The following DIAPH3 variants were observed in gnomAD, a reference collection of about 807,000 sequenced individuals.
The protein encoded by DIAPH3 is diaphanous related formin 3, also known as protein diaphanous homolog 3.
DIAPH3 carries 117 observed loss-of-function variants against 144.3 expected under a neutral mutation model. The observed-to-expected ratio is 0.81, with a 90% CI of 0.70 to 0.95. DIAPH3 has a LOEUF of 0.95. Among genes scored for constraint, DIAPH3 ranks in the 40% least tolerant of loss-of-function variants. The probability of loss-of-function intolerance (pLI) is 0.00; values close to 1 mark genes in which losing one functional copy is unlikely to be tolerated. For missense variants in DIAPH3, 1,421 were observed against 1,412.7 expected (o/e 1.01, Z -0.09); for synonymous variants, 519 against 488.9 (o/e 1.06, Z -0.81).
chr13:59,923,254 A>G (rs558189741), intron 18 of DIAPH3, among the ~76,000 whole-genome samples: 2 of 152,280 alleles, frequency 1.3e-5, no homozygotes, highest in Non-Finnish European at 2.9e-5. Context: ...AAGACTATTT[A>G]GAATCAACAC....
intron 25 of DIAPH3, among the ~76,000 whole-genome samples, chr13:59,788,075 C>T (rs2039127379): frequency 6.6e-6 from 1 of 152,114 alleles, no homozygotes; most frequent in Admixed American, 6.6e-5. Context: ...ACTGAATGGA[C>T]TAAGACACCA....
chr13:59,979,214 A>C (rs560312600), intron 14 of DIAPH3, among the ~76,000 whole-genome samples: 9 of 151,774 alleles, frequency 5.9e-5, no homozygotes, highest in African/African-American at 2.2e-4. Flanking sequence ...CAATTTGTTT[A>C]AAAATCTGTT....
intron 1 of DIAPH3, among the ~76,000 whole-genome samples, chr13:60,144,348 A>G (rs1198718484): frequency 6.6e-6 from 1 of 152,206 alleles, no homozygotes; most frequent in Non-Finnish European, 1.5e-5. Flanking sequence ...TAGGCAAACT[A>G]TTTTAGACTC....
rs201162217 is a variant in DIAPH3, at chr13:59,774,241, C to A, written c.3267G>T (p.Arg1089=). ...RKRTPMPKDV[R]QSLSPMSQRP... ...TCTGAGACATTGGACTGAGACTCTGCCGAACATCTGTTAAAAAAAAAAATA... is the reference window on the plus strand; with the variant it reads ...TCTGAGACATTGGACTGAGACTCTGACGAACATCTGTTAAAAAAAAAAATA... Residue 1089 remains arginine, a synonymous_variant, in exon 27 of 28, where the codon CGG becomes CGT. Coordinates refer to ENST00000400324, the MANE Select transcript of DIAPH3 (RefSeq NM_001042517.2). The A allele has an allele frequency of 2.5e-6, 4 of 1,611,926 alleles. No homozygotes were observed. The East Asian group carries it at 6.7e-5, about 27-fold the overall frequency.
chr13:59,896,801 C>CT (rs1001353954), intron 20 of DIAPH3, among the ~76,000 whole-genome samples: 4 of 152,112 alleles, frequency 2.6e-5, no homozygotes, highest in African/African-American at 9.7e-5. Flanking sequence ...ATTCTAATTA[C>CT]TTTTTTAGTA....
intron 9 of DIAPH3, among the ~76,000 whole-genome samples, chr13:60,005,443 C>G (rs1440970854): frequency 6.6e-6 from 1 of 152,106 alleles, no homozygotes; most frequent in African/African-American, 2.4e-5. Context: ...GTAAAGATTC[C>G]ACAAAGCTGT....
At chr13:60,003,337 T>G (rs1417137223) in intron 9 of DIAPH3, among the ~76,000 whole-genome samples, 1 of 152,160 alleles carries the variant, frequency 6.6e-6, no homozygotes, top group Non-Finnish European at 1.5e-5. Flanking sequence ...CTGTTCAATT[T>G]GTTTCATAGC....
intron 24 of DIAPH3, among the ~76,000 whole-genome samples, chr13:59,823,895 G>T (rs2041220981): frequency 2.0e-5 from 3 of 152,146 alleles, no homozygotes; most frequent in African/African-American, 7.2e-5. Flanking sequence ...TTTAGTCGGA[G>T]AATTCAGTAG....
intron 27 of DIAPH3, among the ~76,000 whole-genome samples, chr13:59,674,698 A>G (rs1566170328): frequency 1.3e-5 from 2 of 152,098 alleles, no homozygotes; most frequent in Non-Finnish European, 2.9e-5. Flanking sequence ...CTCCCTAAAC[A>G]TTCCTACATA....
intron 4 of DIAPH3, among the ~76,000 whole-genome samples, chr13:60,087,425 A>G (rs1399675675): frequency 2.6e-5 from 4 of 152,212 alleles, no homozygotes; most frequent in Non-Finnish European, 4.4e-5. Flanking sequence ...ACATATATCC[A>G]TACACACAAA....
At chr13:60,157,973 T>C (rs560852602) in intron 1 of DIAPH3, among the ~76,000 whole-genome samples, 13 of 152,184 alleles carry the variant, frequency 8.5e-5, no homozygotes, top group Non-Finnish European at 1.9e-4. Flanking sequence ...ATTTATCAGC[T>C]ATATGGTCAC....
chr13:60,122,748 G>A (rs1194007397), intron 2 of DIAPH3, among the ~76,000 whole-genome samples: 1 of 151,498 alleles, frequency 6.6e-6, no homozygotes, highest in Non-Finnish European at 1.5e-5. Context: ...TTTAGAGTAG[G>A]CCCCTACACT....
intron 14 of DIAPH3, among the ~76,000 whole-genome samples, chr13:59,979,633 G>A (rs1425196470): frequency 6.6e-6 from 1 of 151,550 alleles, no homozygotes; most frequent in Admixed American, 6.6e-5. Flanking sequence ...CATTTATAAT[G>A]TTTTACCTAA....
intron 22 of DIAPH3, among the ~76,000 whole-genome samples, chr13:59,848,321 T>TTTTTC (rs1393715320): frequency 6.0e-5 from 9 of 150,792 alleles, no homozygotes; most frequent in Non-Finnish European, 1.3e-4. Flanking sequence ...TTTTTTTTTT[T>TTTTTC]TTTAATTATT....
intron 12 of DIAPH3, 41 bp from the exon 13 acceptor site, chr13:59,983,928 G>C: frequency 1.5e-6 from 2 of 1,343,032 alleles, no homozygotes; most frequent in Non-Finnish European, 1.1e-6. Flanking sequence ...TTGATAATTA[G>C]TGTAACTTTA....
chr13:59,683,512 C>G (rs964652663), intron 27 of DIAPH3, among the ~76,000 whole-genome samples: 1 of 151,820 alleles, frequency 6.6e-6, no homozygotes, highest in Non-Finnish European at 1.5e-5. Flanking sequence ...CTAATCCAGA[C>G]TAATGAACTA....
rs142740726 is a variant in DIAPH3 at position 59,738,532 on chromosome 13, G to T, written c.3319+35657C>A. ...TTCTCCCTCCTTGTACTGGAGAAGG[G>T]AGGGGCTGTTATGACAGGCAGGCCC... On this transcript the variant is annotated intron_variant, in intron 27 of 27. Transcript: ENST00000400324. 5.2e-3 allele frequency among the ~76,000 whole-genome samples: 796 copies of T among 152,178 alleles called. 4 individuals carry two copies. The highest frequency in any genetic ancestry group is 0.031 in the South Asian group (151 of 4,798).
intron 4 of DIAPH3, among the ~76,000 whole-genome samples, chr13:60,067,846 T>G (rs1409541251): frequency 6.6e-6 from 1 of 152,178 alleles, no homozygotes; most frequent in Non-Finnish European, 1.5e-5. Context: ...AAGTAATCCA[T>G]GTAAAAAGCC....
intron 12 of DIAPH3, among the ~76,000 whole-genome samples, chr13:59,984,113 G>A (rs562890423): frequency 6.6e-6 from 1 of 151,700 alleles, no homozygotes; most frequent in South Asian, 2.1e-4. Context: ...AGGAAATACA[G>A]TATCCCTTAA....
Sources: allele counts gnomAD v4.1 joint callset (sites outside exome capture counted in the v4.1 genomes callset), GRCh38; gene constraint gnomAD v4.1.1; transcripts MANE v1.5; gene names NCBI Gene and HGNC (gene_info 2026-07-23, HGNC 2026-07-21).